The following RNF150 variants were observed in gnomAD, a reference collection of about 807,000 sequenced individuals.
RNF150 encodes ring finger protein 150.
A neutral mutation model predicts 39.3 loss-of-function variants in RNF150; 24 were observed. The ratio of observed to expected loss-of-function variants is 0.61; its 90% CI spans 0.44 to 0.86. The LOEUF is 0.86. Ranked by LOEUF, RNF150 falls within the 40% of genes least tolerant of loss-of-function variation. The pLI is 0.00. For missense variants in RNF150, 502 were observed against 587.8 expected (o/e 0.85, Z 1.51); for synonymous variants, 255 against 227.3 (o/e 1.12, Z -1.10).
At chr4:141,102,921 G>C (rs779870515) in intron 1 of RNF150, among the ~76,000 whole-genome samples, 1 of 152,204 alleles carries the variant, frequency 6.6e-6, no homozygotes, top group Non-Finnish European at 1.5e-5. Flanking sequence ...GGAGGGGCCA[G>C]GGTGGTAATG....
intron 1 of RNF150, among the ~76,000 whole-genome samples, chr4:141,151,235 T>G (rs1247599235): frequency 6.6e-6 from 1 of 152,134 alleles, no homozygotes; most frequent in African/African-American, 2.4e-5. Flanking sequence ...TGAGCCAACA[T>G]GCCCAGCCAA....
At chr4:141,072,191 A>C (rs4482847) in intron 1 of RNF150, among the ~76,000 whole-genome samples, 47,752 of 152,062 alleles carry the variant, frequency 0.31, 7,607 homozygotes, top group Middle Eastern at 0.48. Flanking sequence ...CAGCATCACA[A>C]GAACTATTGC....
In RNF150 at chr4:141,000,262, T is replaced by C. The variant is rs564042182; in HGVS notation, c.485-32389A>G. On this transcript the variant is annotated intron_variant, in intron 1 of 6. Transcript: ENST00000515673. ...CAAGGAATCAGTGTAGAGAAGACAGTTTTGAATGCAGAGCAAAATGTTATA... is the reference window on the plus strand; with the variant it reads ...CAAGGAATCAGTGTAGAGAAGACAGCTTTGAATGCAGAGCAAAATGTTATA... Among the ~76,000 whole-genome samples the C allele has an allele frequency of 2.0e-5, 3 of 152,214 alleles. No homozygotes were observed. The East Asian group carries it at 5.8e-4, about 29-fold the overall frequency.
At chr4:141,169,388 G>A (rs1229853044) in intron 1 of RNF150, among the ~76,000 whole-genome samples, 2 of 152,090 alleles carry the variant, frequency 1.3e-5, no homozygotes, top group African/African-American at 4.8e-5. Flanking sequence ...AGCCAATTAA[G>A]CCTCTTTTAT....
chr4:140,913,176 G>A (rs972076856), intron 5 of RNF150, among the ~76,000 whole-genome samples: 12 of 152,084 alleles, frequency 7.9e-5, no homozygotes, highest in Non-Finnish European at 1.3e-4. Context: ...CAGGGGAATC[G>A]CTTGAACCTG....
intron 1 of RNF150, among the ~76,000 whole-genome samples, chr4:141,121,730 C>T (rs572343426): frequency 3.0e-4 from 45 of 151,992 alleles, no homozygotes; most frequent in Non-Finnish European, 5.7e-4. Flanking sequence ...TCCCTGCCCT[C>T]ATAATTTCGA....
intron 1 of RNF150, among the ~76,000 whole-genome samples, chr4:141,169,456 A>G (rs79410490): frequency 0.011 from 1,726 of 152,314 alleles, 39 homozygotes; most frequent in African/African-American, 0.038. Context: ...AAATACAATC[A>G]ATACATAACT....
intron 2 of RNF150, 130 bp downstream of exon 2, chr4:140,967,493 C>A (rs1048898165): frequency 1.5e-6 from 1 of 661,678 alleles, no homozygotes; most frequent in South Asian, 2.2e-5. Flanking sequence ...AATGATACAG[C>A]AAATGTTAAC....
intron 5 of RNF150, among the ~76,000 whole-genome samples, chr4:140,917,898 C>A (rs549046735): frequency 6.6e-5 from 10 of 151,850 alleles, no homozygotes; most frequent in Non-Finnish European, 1.5e-4. Context: ...CACTCAAAAC[C>A]GCTCCACTAC....
intron 1 of RNF150, among the ~76,000 whole-genome samples, chr4:141,185,896 G>A (rs1188535609): frequency 6.6e-6 from 1 of 152,180 alleles, no homozygotes; most frequent in African/African-American, 2.4e-5. Context: ...TGGTCATGAT[G>A]GATAAGCTTT....
intron 1 of RNF150, among the ~76,000 whole-genome samples, chr4:141,058,357 C>CT (rs1214493807): frequency 6.6e-6 from 1 of 152,058 alleles, no homozygotes; most frequent in Non-Finnish European, 1.5e-5. Context: ...AAGAAAATCC[C>CT]TTACCCTTAA....
intron 1 of RNF150, among the ~76,000 whole-genome samples, chr4:141,141,153 T>C (rs1020935372): frequency 6.6e-6 from 1 of 152,222 alleles, no homozygotes; most frequent in African/African-American, 2.4e-5. Context: ...AAAATAGCAT[T>C]TACTATTTCC....
chr4:141,118,355 G>A (rs1427480416), intron 1 of RNF150, among the ~76,000 whole-genome samples: 1 of 152,150 alleles, frequency 6.6e-6, no homozygotes, highest in Admixed American at 6.5e-5. Context: ...TTTTTCTGAG[G>A]CTGGAGCACT....
intron 1 of RNF150, among the ~76,000 whole-genome samples, chr4:141,026,272 A>G (rs542532359): frequency 6.6e-6 from 1 of 152,330 alleles, no homozygotes; most frequent in Non-Finnish European, 1.5e-5. Flanking sequence ...AAGGAGAAAT[A>G]TTTATGATAC....
At chr4:140,871,038 A>G (rs961180623) in intron 6 of RNF150, among the ~76,000 whole-genome samples, 8 of 151,280 alleles carry the variant, frequency 5.3e-5, no homozygotes, top group Non-Finnish European at 1.2e-4. Context: ...ACACACACAC[A>G]CTTTATACTT....
At chr4:141,062,960 T>C (rs1266433860) in intron 1 of RNF150, among the ~76,000 whole-genome samples, 1 of 152,194 alleles carries the variant, frequency 6.6e-6, no homozygotes, top group Non-Finnish European at 1.5e-5. Context: ...GTAAATTTGC[T>C]TAGGATGATG....
intron 1 of RNF150, among the ~76,000 whole-genome samples, chr4:141,007,904 G>T (rs59135754): frequency 4.6e-5 from 7 of 152,120 alleles, no homozygotes; most frequent in African/African-American, 1.7e-4. Context: ...TTTTGTGAGT[G>T]TAAGTACATT....
chr4:141,197,771 G>A (rs1578792796), intron 1 of RNF150, among the ~76,000 whole-genome samples: 2 of 151,760 alleles, frequency 1.3e-5, no homozygotes, highest in South Asian at 4.2e-4. Flanking sequence ...CCAGCTACTT[G>A]GGAGGCTGAG....
intron 1 of RNF150, among the ~76,000 whole-genome samples, chr4:141,000,109 G>GAA: frequency 1.0e-5 from 1 of 96,678 alleles, no homozygotes; most frequent in Non-Finnish European, 2.3e-5. Context: ...AAGAAGAAGA[G>GAA]GAGGAAGAAG....
Sources: allele counts gnomAD v4.1 joint callset (sites outside exome capture counted in the v4.1 genomes callset), GRCh38; gene constraint gnomAD v4.1.1; transcripts MANE v1.5; gene names NCBI Gene and HGNC (gene_info 2026-07-23, HGNC 2026-07-21).